Variants in CNTNAP5 observed in about 807,000 individuals in gnomAD.
The protein encoded by CNTNAP5 is contactin associated protein family member 5.
In CNTNAP5, 72 loss-of-function variants were observed where a neutral mutation model predicts 150.2. The observed-to-expected ratio is 0.48, with a 90% CI of 0.40 to 0.58. The LOEUF (loss-of-function observed/expected upper bound fraction) is 0.58. CNTNAP5 is among the 20% of genes least tolerant of loss of function. CNTNAP5 has a pLI of 0.00. For synonymous variants in CNTNAP5, 672 were observed against 619.8 expected, an observed-to-expected ratio of 1.08 and a Z score of -1.25; for missense variants, 1,636 against 1,626.2, an observed-to-expected ratio of 1.01 and a Z score of -0.10.
rs1467867576 is a variant in CNTNAP5, at chr2:124,313,456, C to T, written c.381+71063C>T. On this transcript the variant is annotated intron_variant, in intron 3 of 23. Transcript: ENST00000682447. ...CAGACCCACCCAAGAAAGGTGTGAA[C>T]AGTAGCCAACAGAAAATCAAGCTGC... 2.6e-5 allele frequency among the ~76,000 whole-genome samples: 4 copies of T among 152,192 alleles called. No homozygotes were observed. The East Asian group carries it at 7.7e-4, about 29-fold the overall frequency.
At chr2:124,550,452 G>A (rs552160521) in intron 10 of CNTNAP5, among the ~76,000 whole-genome samples, 1 of 152,284 alleles carries the variant, frequency 6.6e-6, no homozygotes, top group South Asian at 2.1e-4. Context: ...TCTATTCATA[G>A]TGGAATCTGA....
intron 18 of CNTNAP5, among the ~76,000 whole-genome samples, chr2:124,796,945 A>C (rs1026694389): frequency 4.6e-5 from 7 of 152,196 alleles, no homozygotes; most frequent in Non-Finnish European, 8.8e-5. Flanking sequence ...TGATCTAAGG[A>C]GAGTATCTCA....
chr2:124,400,158 C>T (rs1691369149), intron 3 of CNTNAP5, among the ~76,000 whole-genome samples: 2 of 151,274 alleles, frequency 1.3e-5, no homozygotes, highest in Admixed American at 6.6e-5. Context: ...TTTATTTCTT[C>T]ATTCAACAAG....
intron 1 of CNTNAP5, among the ~76,000 whole-genome samples, chr2:124,029,675 C>T (rs954258925): frequency 6.6e-6 from 1 of 151,886 alleles, no homozygotes; most frequent in Non-Finnish European, 1.5e-5. Flanking sequence ...GTTCCTCTGC[C>T]CAATTTCATT....
intron 19 of CNTNAP5, among the ~76,000 whole-genome samples, chr2:124,831,929 G>A (rs901812545): frequency 6.6e-6 from 1 of 151,966 alleles, no homozygotes; most frequent in African/African-American, 2.4e-5. Flanking sequence ...AATATCAAGT[G>A]TTTACCTAAG....
chr2:124,358,079 G>A (rs1690073206), intron 3 of CNTNAP5, among the ~76,000 whole-genome samples: 1 of 152,086 alleles, frequency 6.6e-6, no homozygotes, highest in Admixed American at 6.6e-5. Context: ...ACTGTGAATG[G>A]GAGTTCACTC....
chr2:124,526,281 A>G (rs1217210367), intron 9 of CNTNAP5, among the ~76,000 whole-genome samples: 2 of 152,200 alleles, frequency 1.3e-5, no homozygotes, highest in African/African-American at 4.8e-5. Context: ...GTGAAAAATG[A>G]GTTTCAGTAA....
intron 23 of CNTNAP5, among the ~76,000 whole-genome samples, chr2:124,913,512 T>G (rs1678698997): frequency 1.3e-5 from 2 of 152,128 alleles, no homozygotes; most frequent in African/African-American, 4.8e-5. Flanking sequence ...ATCTTGTCAC[T>G]GAATGAGCCT....
At chr2:124,314,264 TTTCACAACCTGCAGTTTCCTAGTC>T (rs1461745203) in intron 3 of CNTNAP5, among the ~76,000 whole-genome samples, 1 of 152,190 alleles carries the variant, frequency 6.6e-6, no homozygotes, top group Non-Finnish European at 1.5e-5. Flanking sequence ...GATTTCCGTG[TTTCACAACCTGCAGTTTCCTAGTC>T]TTCAGGGGTA....
At chr2:124,852,434 G>A (rs1241061407) in intron 19 of CNTNAP5, among the ~76,000 whole-genome samples, 1 of 152,182 alleles carries the variant, frequency 6.6e-6, no homozygotes, top group Non-Finnish European at 1.5e-5. Context: ...CACATTAGGG[G>A]AACATAAAGT....
intron 12 of CNTNAP5, among the ~76,000 whole-genome samples, chr2:124,631,580 G>A (rs1384889742): frequency 6.6e-6 from 1 of 152,140 alleles, no homozygotes; most frequent in Admixed American, 6.6e-5. Flanking sequence ...ACTCAAGATG[G>A]ATTAAAGACT....
In CNTNAP5 at chr2:124,871,658, C is replaced by T. The variant is rs568024053; in HGVS notation, c.3436+1896C>T. ...TCCCCGGTTGCTACCAAGAAGTCCG[C>T]TGTCCATCTGTCCTGCTATTGAAGG... On this transcript the variant is annotated intron_variant, in intron 21 of 23. Transcript: ENST00000682447. 2.4e-4 allele frequency among the ~76,000 whole-genome samples: 36 copies of T among 152,274 alleles called. 1 individual carries two copies. Among genetic ancestry groups the T allele is most frequent in the South Asian group, 1.9e-3 (9 of 4,832 alleles).
At chr2:124,212,855 T>TG (rs1686052376) in intron 1 of CNTNAP5, among the ~76,000 whole-genome samples, 1 of 128,140 alleles carries the variant, frequency 7.8e-6, no homozygotes. Flanking sequence ...TTTTTTTTTT[T>TG]TGAGATGGAG....
chr2:124,197,492 T>C (rs1685616007), intron 1 of CNTNAP5, among the ~76,000 whole-genome samples: 1 of 152,238 alleles, frequency 6.6e-6, no homozygotes, highest in South Asian at 2.1e-4. Flanking sequence ...ATTGGATATT[T>C]GTGTTGCTTT....
intron 11 of CNTNAP5, among the ~76,000 whole-genome samples, chr2:124,602,097 C>A (rs780864789): frequency 9.9e-5 from 15 of 152,256 alleles, no homozygotes; most frequent in East Asian, 7.8e-4. Context: ...GTAATCCCAG[C>A]ACTTTGGGAG....
chr2:124,607,247 C>G (rs1558702213), intron 11 of CNTNAP5, among the ~76,000 whole-genome samples: 1 of 152,042 alleles, frequency 6.6e-6, no homozygotes, highest in Non-Finnish European at 1.5e-5. Flanking sequence ...CATGCAGCTG[C>G]AAAAAAGATG....
intron 6 of CNTNAP5, among the ~76,000 whole-genome samples, chr2:124,468,308 G>A (rs1203254366): frequency 6.6e-6 from 1 of 152,130 alleles, no homozygotes; most frequent in African/African-American, 2.4e-5. Context: ...TCAAAATAGG[G>A]AAGCCAACAG....
intron 1 of CNTNAP5, among the ~76,000 whole-genome samples, chr2:124,077,264 G>A (rs981458579): frequency 5.9e-5 from 9 of 151,922 alleles, no homozygotes; most frequent in African/African-American, 1.7e-4. Context: ...CTCTAAATAC[G>A]TCTCGGTGTA....
rs201558367 is a variant in CNTNAP5 at position 124,763,683 on chromosome 2, C to A, written c.2246C>A (p.Thr749Asn). Residue 749 changes from threonine (T) to asparagine (N), a missense_variant, in exon 15 of 24, where the codon ACT becomes AAT. Transcript: ENST00000682447. ...TTTATGTTTTGCAGGACAAATGATA[C>A]TGGCTTTCTTTCCTTCAAAGACCAC... ...DADKDEWTNDTGFLSFKDHLP... is the reference protein window; with the variant it reads ...DADKDEWTNDNGFLSFKDHLP... The A allele has an allele frequency of 2.5e-5, 41 of 1,612,282 alleles. No individual in the cohort carries two copies. The highest frequency in any genetic ancestry group is 3.4e-5 in the Non-Finnish European group (40 of 1,179,006).
Sources: gnomAD v4.1 joint callset for allele counts (sites outside exome capture counted in the v4.1 genomes callset) on GRCh38, gnomAD v4.1.1 for gene constraint, MANE v1.5 for transcripts, NCBI Gene and HGNC (gene_info 2026-07-23, HGNC 2026-07-21) for gene names.